THRB: variants seen among roughly 807,000 people sequenced by gnomAD.
THRB encodes nuclear receptor subfamily 1 group A member 2.
In THRB, 12 loss-of-function variants were observed where a neutral mutation model predicts 47.8. The ratio of observed to expected loss-of-function variants is 0.25; its 90% CI spans 0.16 to 0.41. THRB has a LOEUF of 0.41. Among genes scored for constraint, THRB ranks in the 10% least tolerant of loss-of-function variants. The probability of loss-of-function intolerance (pLI) is 1.00; values close to 1 mark genes in which losing one functional copy is unlikely to be tolerated. For synonymous variants in THRB, 218 were observed against 212.2 expected, an observed-to-expected ratio of 1.03 and a Z score of -0.24; for missense variants, 348 against 589.2, an observed-to-expected ratio of 0.59 and a Z score of 4.24.
intron 4 of THRB, among the ~76,000 whole-genome samples, chr3:24,203,969 G>A (rs545593262): frequency 9.6e-4 from 147 of 152,348 alleles, no homozygotes; most frequent in Non-Finnish European, 1.7e-3. Flanking sequence ...AGGGGCACCC[G>A]CCATTGCTGA....
chr3:24,212,577 C>CAAAAAAAAAAA (rs1199010853), intron 4 of THRB, among the ~76,000 whole-genome samples: 19 of 83,996 alleles, frequency 2.3e-4, no homozygotes, highest in East Asian at 3.8e-4. Flanking sequence ...GACTCCGTCT[C>CAAAAAAAAAAA]AAAAAAAAAA....
intron 5 of THRB, among the ~76,000 whole-genome samples, chr3:24,177,864 A>C (rs2041367066): frequency 6.6e-6 from 1 of 152,222 alleles, no homozygotes. Context: ...TTGTAATGTA[A>C]TATGATTGGA....
At chr3:24,284,286 A>C (rs1002218938) in intron 3 of THRB, among the ~76,000 whole-genome samples, 38 of 152,006 alleles carry the variant, frequency 2.5e-4, no homozygotes, top group African/African-American at 8.9e-4. Context: ...ACATATCTAC[A>C]ACTATCTGAT....
chr3:24,296,118 T>C (rs2056427858), intron 3 of THRB, among the ~76,000 whole-genome samples: 1 of 152,192 alleles, frequency 6.6e-6, no homozygotes. Flanking sequence ...TCTTTTTATT[T>C]TACTTAGAAT....
At chr3:24,207,549 G>C (rs2045526396) in intron 4 of THRB, among the ~76,000 whole-genome samples, 1 of 152,082 alleles carries the variant, frequency 6.6e-6, no homozygotes, top group Admixed American at 6.5e-5. Flanking sequence ...TCATCATCTT[G>C]TCTCCTTCAG....
chr3:24,356,606 T>A (rs2063688922), intron 1 of THRB, among the ~76,000 whole-genome samples: 1 of 152,090 alleles, frequency 6.6e-6, no homozygotes, highest in Non-Finnish European at 1.5e-5. Flanking sequence ...GCCCTTAAAG[T>A]CTATAATTCT....
Position 24,277,654 on chromosome 3 carries a change from A to G in THRB, c.-43+19572T>C, listed in dbSNP as rs534905948. Among the ~76,000 whole-genome samples, 6 of 152,318 alleles carry G rather than the reference A, an allele frequency of 3.9e-5. No individual in the cohort carries two copies. The South Asian group carries it at 6.2e-4, about 16-fold the overall frequency. ...ACAAGATTTTGGGTGAAAAGTTACC[A>G]AAGTTATATTTATGTCATTTACCAA... is the stretch of plus-strand genomic sequence containing the variant. On this transcript the variant is annotated intron_variant, in intron 3 of 10. Coordinates refer to ENST00000646209, the MANE Select transcript of THRB (RefSeq NM_001354712.2).
chr3:24,132,643 A>C (rs529704754), intron 9 of THRB, among the ~76,000 whole-genome samples: 1 of 152,354 alleles, frequency 6.6e-6, no homozygotes, highest in African/African-American at 2.4e-5. Flanking sequence ...GGCCTGATAA[A>C]GTTCAAGTGT....
At chr3:24,248,924 G>T (rs2050380864) in intron 3 of THRB, among the ~76,000 whole-genome samples, 1 of 152,182 alleles carries the variant, frequency 6.6e-6, no homozygotes, top group Non-Finnish European at 1.5e-5. Context: ...TGCTCTTTTA[G>T]TGCTTTAGTG....
At position 24,427,686 on chromosome 3, in the gene THRB, G is replaced by A. The variant is rs144922034; in HGVS notation, c.-261+66966C>T. ...AACTTTATTTCTGTAAAACCCTGTAGTACATCATATATTGACTCATATTTT... is the reference window on the plus strand; with the variant it reads ...AACTTTATTTCTGTAAAACCCTGTAATACATCATATATTGACTCATATTTT... On this transcript the variant is annotated intron_variant, in intron 1 of 10. Transcript: ENST00000646209. 4.1e-3 allele frequency among the ~76,000 whole-genome samples: 624 copies of A among 152,044 alleles called. 5 individuals carry two copies. Among genetic ancestry groups the A allele is most frequent in the South Asian group, 0.011 (55 of 4,826 alleles).
At chr3:24,129,196 C>T (rs774736909) in intron 9 of THRB, among the ~76,000 whole-genome samples, 6 of 152,048 alleles carry the variant, frequency 3.9e-5, no homozygotes, top group Non-Finnish European at 7.4e-5. Flanking sequence ...TCTCTCCTTC[C>T]GCTCATTTTT....
At chr3:24,310,039 G>C (rs759867503) in intron 2 of THRB, among the ~76,000 whole-genome samples, 5 of 152,074 alleles carry the variant, frequency 3.3e-5, no homozygotes, top group Non-Finnish European at 7.4e-5. Context: ...CAGGCGAGTG[G>C]GCTTGCTACC....
chr3:24,211,907 G>T (rs826254), intron 4 of THRB, among the ~76,000 whole-genome samples: 109,443 of 152,126 alleles, frequency 0.72, 40,733 homozygotes, highest in African/African-American at 0.93. Context: ...GTAATAAAAT[G>T]CAGACAATAT....
At chr3:24,462,772 C>T (rs1044767726) in intron 1 of THRB, among the ~76,000 whole-genome samples, 6 of 152,170 alleles carry the variant, frequency 3.9e-5, no homozygotes, top group Non-Finnish European at 8.8e-5. Context: ...TGAGGAGTTT[C>T]CTCGAGGTGC....
chr3:24,443,983 C>G lies in THRB; in HGVS notation c.-261+50669G>C, dbSNP rs182270528. On this transcript the variant is annotated intron_variant, in intron 1 of 10. Transcript: ENST00000646209. ...ATTCTCCTCATGGATGATAATTTAC[C>G]AAAATCATCCAAAAGGCATTTTATA... is the stretch of plus-strand genomic sequence containing the variant. Among the ~76,000 whole-genome samples the G allele has an allele frequency of 7.4e-4, 112 of 152,154 alleles. No homozygotes were observed. The East Asian group carries it at 0.021, about 28-fold the overall frequency.
At chr3:24,165,319 G>A (rs762491149) in intron 5 of THRB, 61 of 764,740 alleles carry the variant, frequency 8.0e-5, no homozygotes, top group Non-Finnish European at 1.1e-4. Flanking sequence ...CGGCAGCTGG[G>A]TGCACTTCAT....
intron 1 of THRB, among the ~76,000 whole-genome samples, chr3:24,479,081 G>A (rs1252749655): frequency 1.3e-5 from 2 of 152,090 alleles, no homozygotes; most frequent in East Asian, 1.9e-4. Flanking sequence ...GGAGGATCAC[G>A]AGGTCAGGAG....
chr3:24,359,165 A>G (rs1056591045), intron 1 of THRB, among the ~76,000 whole-genome samples: 1 of 152,060 alleles, frequency 6.6e-6, no homozygotes, highest in Non-Finnish European at 1.5e-5. Flanking sequence ...CTGCCTTCAC[A>G]TGGTGTTAAT....
intron 3 of THRB, among the ~76,000 whole-genome samples, chr3:24,249,307 T>C (rs555494474): frequency 2.0e-5 from 3 of 152,252 alleles, no homozygotes; most frequent in South Asian, 4.1e-4. Context: ...AAACCCACCA[T>C]AGAGTTAACC....
Sources: gnomAD v4.1 joint callset for allele counts (sites outside exome capture counted in the v4.1 genomes callset) on GRCh38, gnomAD v4.1.1 for gene constraint, MANE v1.5 for transcripts, NCBI Gene and HGNC (gene_info 2026-07-23, HGNC 2026-07-21) for gene names.